The following SGPP2 variants were observed in gnomAD, a reference collection of about 807,000 sequenced individuals.
SGPP2 encodes the protein sphingosine-1-phosphate phosphatase 2.
Under a neutral mutation model 33.9 loss-of-function variants are expected in SGPP2, and 30 were observed. That is an observed-to-expected ratio of 0.89 (90% CI 0.66 to 1.20). SGPP2 has a LOEUF of 1.20. Ranked by LOEUF, SGPP2 falls within the 50% of genes most tolerant of loss-of-function variation. SGPP2 has a pLI of 0.00. For missense variants in SGPP2, 458 were observed against 532.1 expected, an observed-to-expected ratio of 0.86 and a Z score of 1.37; for synonymous variants, 233 against 225.0, an observed-to-expected ratio of 1.04 and a Z score of -0.32.
chr2:222,543,268 C>A (rs1699023960), intron 4 of SGPP2, among the ~76,000 whole-genome samples: 1 of 151,974 alleles, frequency 6.6e-6, no homozygotes, highest in Admixed American at 6.6e-5. Flanking sequence ...ACATGAATAC[C>A]CAATTTACTC....
chr2:222,464,720 C>T (rs1053797680), intron 1 of SGPP2, among the ~76,000 whole-genome samples: 38 of 152,140 alleles, frequency 2.5e-4, no homozygotes, highest in African/African-American at 8.9e-4. Context: ...TGGCCTCAAG[C>T]GATCCTCCTA....
At chr2:222,524,855 C>G (rs969515146) in intron 3 of SGPP2, 89 bp from the exon 4 acceptor site, 7 of 1,008,800 alleles carry the variant, frequency 6.9e-6, no homozygotes, top group Non-Finnish European at 1.0e-5. Flanking sequence ...GCAATTCTTG[C>G]ATTAATGAAT....
intron 2 of SGPP2, among the ~76,000 whole-genome samples, chr2:222,520,006 T>C (rs1340569072): frequency 6.6e-6 from 1 of 152,220 alleles, no homozygotes; most frequent in Non-Finnish European, 1.5e-5. Context: ...GGTAGAATGA[T>C]CTATTTTCCT....
Position 222,476,814 on chromosome 2 carries a change from A to G in SGPP2, c.378+2088A>G, listed in dbSNP as rs1205801500. Among the ~76,000 whole-genome samples the G allele has an allele frequency of 4.0e-5, 6 of 151,556 alleles. No homozygotes were observed. The highest frequency in any genetic ancestry group is 2.6e-4 in the Admixed American group (4 of 15,218). Reference sequence around the variant, plus strand: ...CAGGTGTGTGTATATCCGTGCGTGTATATAGGTGTGTGTATATGTGTATGT... The same window carrying G: ...CAGGTGTGTGTATATCCGTGCGTGTGTATAGGTGTGTGTATATGTGTATGT... On this transcript the variant is annotated intron_variant, in intron 2 of 4. Transcript: ENST00000321276. The surrounding 1 kb of genome is among the most constrained non-coding windows in gnomAD (Gnocchi z 4.3).
chr2:222,424,914 G>A lies in SGPP2; in HGVS notation c.219+93G>A, dbSNP rs6747520. 424 of 1,069,846 alleles carry A rather than the reference G, an allele frequency of 4.0e-4. 3 individuals carry two copies. In the African/African-American group the frequency reaches 6.4e-3, roughly 16 times the overall value. 66.3% of individuals were successfully genotyped at this position (1,069,846 alleles called of 1,614,324 possible). On this transcript the variant is annotated intron_variant, in intron 1 of 4. Coordinates refer to ENST00000321276, the MANE Select transcript of SGPP2 (RefSeq NM_152386.4). ...TCCGCCACGCGGGGCCGGCCGGGCC[G>A]AGAGGGCGCCGTCCCCGGCAGTGAC...
chr2:222,471,247 A>G (rs993514172), intron 1 of SGPP2, among the ~76,000 whole-genome samples: 5 of 152,050 alleles, frequency 3.3e-5, no homozygotes, highest in Non-Finnish European at 7.4e-5. Flanking sequence ...ACTCCTTTGG[A>G]TGAATCTAGA....
At chr2:222,509,090 C>T (rs533254256) in intron 2 of SGPP2, among the ~76,000 whole-genome samples, 18 of 151,840 alleles carry the variant, frequency 1.2e-4, no homozygotes, top group Admixed American at 3.3e-4. Context: ...CACTCCCAGA[C>T]GCTAAATAGG....
chr2:222,472,092 A>T (rs139724549), intron 1 of SGPP2, among the ~76,000 whole-genome samples: 9 of 152,194 alleles, frequency 5.9e-5, no homozygotes, highest in Admixed American at 2.0e-4. Flanking sequence ...TTCTCACACC[A>T]TCATTGTGAT....
intron 4 of SGPP2, among the ~76,000 whole-genome samples, chr2:222,554,985 T>C (rs1689363451): frequency 1.3e-5 from 2 of 152,048 alleles, no homozygotes; most frequent in South Asian, 4.2e-4. Context: ...CAAGCCTCCC[T>C]CCTCCCATCC....
At chr2:222,471,268 G>C (rs1380121256) in intron 1 of SGPP2, among the ~76,000 whole-genome samples, 2 of 152,104 alleles carry the variant, frequency 1.3e-5, no homozygotes, top group African/African-American at 2.4e-5. Context: ...TCCATTCCCA[G>C]AGAGGAGTGT....
At chr2:222,452,790 G>A in intron 1 of SGPP2, 1 of 1,539,460 alleles carries the variant, frequency 6.5e-7, no homozygotes. Flanking sequence ...GCTGGGGTAG[G>A]TAGGTGCTGA....
At chr2:222,481,976 T>A (rs988307695) in intron 2 of SGPP2, among the ~76,000 whole-genome samples, 1 of 152,232 alleles carries the variant, frequency 6.6e-6, no homozygotes, top group Admixed American at 6.5e-5. Context: ...AAGCTCTGGT[T>A]GTCCCTGAGA....
intron 1 of SGPP2, among the ~76,000 whole-genome samples, chr2:222,426,352 C>T (rs1697071953): frequency 6.6e-6 from 1 of 152,102 alleles, no homozygotes; most frequent in African/African-American, 2.4e-5. Context: ...CTTTCTGTTG[C>T]TCTCTTCACA....
At chr2:222,427,693 AG>A (rs1697093769) in intron 1 of SGPP2, among the ~76,000 whole-genome samples, 3 of 152,340 alleles carry the variant, frequency 2.0e-5, no homozygotes, top group Non-Finnish European at 4.4e-5. Context: ...ACAATAGAGA[AG>A]TTTTCTTCTT....
In SGPP2 at chr2:222,521,849, A is replaced by G. The variant is rs150286224; in HGVS notation, c.461A>G (p.Lys154Arg). ...TCCCCTCCAGTTGTAAAACTGGAAAAGAGACTGATCGCTGAATATGGAATG... is the reference window on the plus strand; with the variant it reads ...TCCCCTCCAGTTGTAAAACTGGAAAGGAGACTGATCGCTGAATATGGAATG... ...PSSPPVVKLE[K>R]RLIAEYGMPS... The change falls in exon 3 of 5, where the codon AAG becomes AGG. Residue 154 changes from lysine to arginine, a missense_variant. By Grantham distance (26) the Lys-to-Arg change is conservative. Coordinates refer to ENST00000321276, the MANE Select transcript of SGPP2 (RefSeq NM_152386.4). The G allele has an allele frequency of 1.9e-6, 3 of 1,611,026 alleles. No individual in the cohort carries two copies. In the African/African-American group the frequency reaches 4.0e-5, roughly 22 times the overall value.
rs141965370 is a variant in SGPP2 at position 222,476,871 on chromosome 2, GGT to G, written c.378+2152_378+2153del. On this transcript the variant is annotated intron_variant, in intron 2 of 4. Coordinates refer to ENST00000321276, the MANE Select transcript of SGPP2 (RefSeq NM_152386.4). The surrounding 1 kb of genome is among the most constrained non-coding windows in gnomAD (Gnocchi z 4.3). The stretch of plus-strand genomic sequence containing the variant: ...ATAGGTGTGTATATGTGTATATATA[GGT>G]GTGTGTATATATGTGTGTTTATTGT... Among the ~76,000 whole-genome samples the G allele has an allele frequency of 1.3e-4, 19 of 141,906 alleles. 1 individual carries two copies. The East Asian group carries it at 3.4e-3, about 25-fold the overall frequency. The allele number at this position is 141,906 out of a possible 152,430, so 93.1% of individuals were successfully genotyped here. A position where few individuals can be genotyped will look rare whatever the true frequency, so the allele number is the denominator to read the frequency against.
Position 222,541,197 on chromosome 2 carries a change from T to C in SGPP2, c.648+16164T>C, listed in dbSNP as rs78254661. Among the ~76,000 whole-genome samples, 838 of 152,342 alleles carry C rather than the reference T, an allele frequency of 5.5e-3. 17 individuals are homozygous for C. In the East Asian group the frequency reaches 0.071, roughly 13 times the overall value. ...ATCATCCAAGCATGGATGCCCACTT[T>C]CGTGTTTCTAAAACTCTAAGTTAAC... On this transcript the variant is annotated intron_variant, in intron 4 of 4. Transcript: ENST00000321276.
At chr2:222,483,767 G>T (rs1698064686) in intron 2 of SGPP2, among the ~76,000 whole-genome samples, 1 of 152,184 alleles carries the variant, frequency 6.6e-6, no homozygotes, top group African/African-American at 2.4e-5. Context: ...TTAGACTGGG[G>T]TCAGTCTTAG....
intron 2 of SGPP2, chr2:222,498,325 G>T (rs1164152990): frequency 6.6e-6 from 1 of 152,136 alleles, no homozygotes. Flanking sequence ...CTAAAAGTTG[G>T]AATGATACAG....
Sources: gnomAD v4.1 joint callset for allele counts (sites outside exome capture counted in the v4.1 genomes callset) on GRCh38, gnomAD v4.1.1 for gene constraint, Gnocchi (gnomAD v3.1) non-coding constraint, MANE v1.5 for transcripts, NCBI Gene and HGNC (gene_info 2026-07-23, HGNC 2026-07-21) for gene names.